TNKS2: variants seen among roughly 807,000 people sequenced by gnomAD.
The protein encoded by TNKS2 is tankyrase 2.
In TNKS2, 72 loss-of-function variants were observed where a neutral mutation model predicts 137.6. That is an observed-to-expected ratio of 0.52 (90% CI 0.43 to 0.64). The LOEUF (loss-of-function observed/expected upper bound fraction) is 0.64, where lower values mean the gene tolerates loss of function less well. Ranked by LOEUF, TNKS2 falls within the 30% of genes least tolerant of loss-of-function variation. TNKS2 has a pLI of 0.00. For synonymous variants in TNKS2, 516 were observed against 512.1 expected (o/e 1.01, Z -0.10); for missense variants, 1,049 against 1,410.2 (o/e 0.74, Z 4.10).
At chr10:91,855,920 G>A (rs1842691602) in intron 23 of TNKS2, among the ~76,000 whole-genome samples, 1 of 152,094 alleles carries the variant, frequency 6.6e-6, no homozygotes, top group Non-Finnish European at 1.5e-5. Flanking sequence ...AAGTTTATGG[G>A]TTATGCTTTA....
At chr10:91,833,625 A>C (rs899866462) in intron 11 of TNKS2, among the ~76,000 whole-genome samples, 1 of 152,174 alleles carries the variant, frequency 6.6e-6, no homozygotes, top group African/African-American at 2.4e-5. Flanking sequence ...CACAATTACT[A>C]TTCAGCATCT....
chr10:91,811,160 G>A lies in TNKS2; in HGVS notation c.200-1823G>A, dbSNP rs182546420. Among the ~76,000 whole-genome samples, 335 of 151,698 alleles carry A rather than the reference G, an allele frequency of 2.2e-3. 2 individuals carry two copies. The highest frequency in any genetic ancestry group is 8.8e-3 in the East Asian group (45 of 5,096). On this transcript the variant is annotated intron_variant, in intron 1 of 26. Transcript: ENST00000371627. The stretch of plus-strand genomic sequence containing the variant: ...AGGCTGGTCTCGAACTCCTGACCTC[G>A]TGATCTGCCCACCTGGGCCTCCCAA...
intron 1 of TNKS2, among the ~76,000 whole-genome samples, chr10:91,803,117 G>A (rs979170643): frequency 3.9e-5 from 6 of 152,188 alleles, no homozygotes; most frequent in East Asian, 1.9e-4. Context: ...CAGACAGTAT[G>A]TCTATCCCAA....
intron 1 of TNKS2, 88 bp from the exon 2 acceptor site, chr10:91,812,895 C>G: frequency 6.6e-7 from 1 of 1,511,082 alleles, no homozygotes; most frequent in South Asian, 1.3e-5. Context: ...TAATTTTCAA[C>G]CTGAAACATT....
intron 8 of TNKS2, among the ~76,000 whole-genome samples, chr10:91,828,073 CA>C (rs1294646136): frequency 1.3e-5 from 2 of 152,126 alleles, no homozygotes; most frequent in African/African-American, 4.8e-5. Flanking sequence ...CTCTTGAGGC[CA>C]TATGTCTATA....
chr10:91,803,923 A>G (rs1401355346), intron 1 of TNKS2, among the ~76,000 whole-genome samples: 2 of 152,164 alleles, frequency 1.3e-5, no homozygotes, highest in African/African-American at 4.8e-5. Context: ...GAAAGACAGG[A>G]GGGGGATAGC....
chr10:91,850,655 G>T (rs952903791), intron 20 of TNKS2, among the ~76,000 whole-genome samples: 1 of 152,138 alleles, frequency 6.6e-6, no homozygotes, highest in Non-Finnish European at 1.5e-5. Context: ...GGAGGCAGAG[G>T]TTGCAGTGAG....
intron 22 of TNKS2, 23 bp downstream of exon 22, chr10:91,855,149 G>C: frequency 7.1e-7 from 1 of 1,409,884 alleles, no homozygotes; most frequent in Non-Finnish European, 1.0e-6. Context: ...AACTTCAATA[G>C]TAGGTTTGCC....
chr10:91,833,735 G>T, intron 11 of TNKS2, 118 bp from the exon 12 acceptor site: 4 of 760,346 alleles, frequency 5.3e-6, no homozygotes, highest in Non-Finnish European at 7.6e-6. Context: ...TTTGGCATTG[G>T]ATAATAGGCC....
chr10:91,836,076 C>T lies in TNKS2; in HGVS notation c.1448-843C>T, dbSNP rs1224915394. Among the ~76,000 whole-genome samples, 3 of 99,192 alleles carry T rather than the reference C, an allele frequency of 3.0e-5. No individual in the cohort carries two copies. The Admixed American group carries it at 4.6e-4, about 15-fold the overall frequency. The allele number at this position is 99,192 out of a possible 152,430, so 65.1% of individuals were successfully genotyped here. A position where few individuals can be genotyped will look rare whatever the true frequency, so the allele number is the denominator to read the frequency against. ...TTTTTTTTTGAGACGAAGTTTCACT[C>T]TTGTTGCCCAGGCTAGGGTGCAATG... On this transcript the variant is annotated intron_variant, in intron 12 of 26. Transcript: ENST00000371627.
At chr10:91,803,287 A>G (rs944509449) in intron 1 of TNKS2, among the ~76,000 whole-genome samples, 7 of 152,206 alleles carry the variant, frequency 4.6e-5, no homozygotes, top group African/African-American at 1.7e-4. Flanking sequence ...CAAAGGCAGG[A>G]GTATCACCTG....
intron 9 of TNKS2, among the ~76,000 whole-genome samples, chr10:91,828,812 C>G (rs568218032): frequency 6.6e-6 from 1 of 152,192 alleles, no homozygotes; most frequent in African/African-American, 2.4e-5. Context: ...TAGTCCCTTC[C>G]TTCTTCAAAA....
intron 5 of TNKS2, 40 bp from the exon 6 acceptor site, chr10:91,819,899 A>G (rs559614961): frequency 9.7e-6 from 14 of 1,438,132 alleles, no homozygotes; most frequent in African/African-American, 2.9e-5. Flanking sequence ...TTATTCAACC[A>G]TTATTTGAAT....
intron 9 of TNKS2, among the ~76,000 whole-genome samples, 189 bp downstream of exon 9, chr10:91,828,595 C>T (rs1055419995): frequency 2.0e-5 from 3 of 152,016 alleles, no homozygotes; most frequent in African/African-American, 4.8e-5. Context: ...GAAGCCAATG[C>T]TATTATCAGT....
intron 18 of TNKS2, 109 bp from the exon 19 acceptor site, chr10:91,848,272 AGT>A: frequency 8.5e-7 from 1 of 1,172,760 alleles, no homozygotes; most frequent in Non-Finnish European, 1.2e-6. Context: ...CCATTGTGAT[AGT>A]ACTGGCACAA....
At chr10:91,808,387 GAGA>G (rs982844177) in intron 1 of TNKS2, among the ~76,000 whole-genome samples, 1 of 152,136 alleles carries the variant, frequency 6.6e-6, no homozygotes, top group Admixed American at 6.5e-5. Flanking sequence ...AATGAAATTA[GAGA>G]AGAAGTTGAG....
chr10:91,851,828 C>T (rs1842546471), intron 21 of TNKS2, among the ~76,000 whole-genome samples: 1 of 152,144 alleles, frequency 6.6e-6, no homozygotes, highest in African/African-American at 2.4e-5. Flanking sequence ...TTGAACAAAA[C>T]AAAGTTGAAT....
intron 1 of TNKS2, among the ~76,000 whole-genome samples, chr10:91,809,944 A>T (rs1331434137): frequency 6.6e-6 from 1 of 152,158 alleles, no homozygotes; most frequent in Non-Finnish European, 1.5e-5. Context: ...GGTCTTTGTG[A>T]GGGGAAGAAG....
rs987688819 is a variant in TNKS2, at chr10:91,857,106, C to T, written c.2989-319C>T. The stretch of plus-strand genomic sequence containing the variant: ...TTTCTAGTACTTTATACAGAAAAAA[C>T]TCGGCATGTCTGATTTGGAGGTGTT... On this transcript the variant is annotated intron_variant, in intron 23 of 26. Coordinates refer to ENST00000371627, the MANE Select transcript of TNKS2 (RefSeq NM_025235.4). Among the ~76,000 whole-genome samples the T allele has an allele frequency of 3.3e-5, 5 of 152,242 alleles. No individual in the cohort carries two copies. The East Asian group carries it at 7.7e-4, about 23-fold the overall frequency.
Sources: allele counts gnomAD v4.1 joint callset (sites outside exome capture counted in the v4.1 genomes callset), GRCh38; gene constraint gnomAD v4.1.1; transcripts MANE v1.5; gene names NCBI Gene and HGNC (gene_info 2026-07-23, HGNC 2026-07-21).